The following CWF19L1 variants were observed in gnomAD, a reference collection of about 807,000 sequenced individuals.
The protein encoded by CWF19L1 is CWF19-like protein 1.
A neutral mutation model predicts 69.7 loss-of-function variants in CWF19L1; 60 were observed. The observed-to-expected ratio is 0.86, with a 90% CI of 0.70 to 1.07. The LOEUF is 1.07. Among genes scored for constraint, CWF19L1 ranks in the 50% least tolerant of loss-of-function variants. The probability of loss-of-function intolerance (pLI) is 0.00; values close to 1 mark genes in which losing one functional copy is unlikely to be tolerated. For missense variants in CWF19L1, 591 were observed against 638.9 expected, an observed-to-expected ratio of 0.92 and a Z score of 0.81; for synonymous variants, 209 against 222.2, an observed-to-expected ratio of 0.94 and a Z score of 0.53.
chr10:100,260,954 T>C lies in CWF19L1; in HGVS notation c.187+12A>G, dbSNP rs1402637417. On this transcript the variant is annotated intron_variant, in intron 3 of 13. Coordinates refer to ENST00000354105, the MANE Select transcript of CWF19L1 (RefSeq NM_018294.6). Reference sequence around the variant, plus strand: ...TTAGAAATCATATGTTAAATAAAAATAATTTCTATACCTTTCTTGATGCCA... The same window carrying C: ...TTAGAAATCATATGTTAAATAAAAACAATTTCTATACCTTTCTTGATGCCA... 1 of 1,549,472 alleles carries C rather than the reference T, an allele frequency of 6.5e-7. No homozygotes were observed.
In CWF19L1 at chr10:100,256,322, A is replaced by G; in HGVS notation, c.444T>C (p.Gly148=). 1 of 1,614,078 alleles carries G rather than the reference A, an allele frequency of 6.2e-7. No homozygotes were observed. The highest frequency in any genetic ancestry group is 8.5e-7 in the Non-Finnish European group (1 of 1,179,982). ...MMLCTTSQFK[G]VDILLTSPWP... is the part of the protein sequence containing the mutation. ...ATGGGGATGTGAGCAAGATATCAAC[A>G]CCCTTAAACTGGGAGGTTGTACACA... The change falls in exon 5 of 14, where the codon GGT becomes GGC. Residue 148 remains glycine, a synonymous_variant. Transcript: ENST00000354105.
At chr10:100,236,606 CT>C (rs1473803920) in intron 12 of CWF19L1, among the ~76,000 whole-genome samples, 2 of 152,042 alleles carry the variant, frequency 1.3e-5, no homozygotes, top group Admixed American at 1.3e-4. Flanking sequence ...CCCGTCTCGA[CT>C]AAAAATACAA....
intron 9 of CWF19L1, among the ~76,000 whole-genome samples, chr10:100,245,169 C>T (rs1846772567): frequency 6.6e-6 from 1 of 151,712 alleles, no homozygotes; most frequent in African/African-American, 2.4e-5. Flanking sequence ...ACTACAGGAC[C>T]GTGCCACCAC....
At position 100,235,671 on chromosome 10, in the gene CWF19L1, CAA is replaced by C. The variant is rs1389916079; in HGVS notation, c.1466_1467del (p.Phe489TrpfsTer8). On this transcript the variant is annotated frameshift_variant, in exon 13 of 14. Transcript: ENST00000354105. LOFTEE classifies it high-confidence loss of function. Reference protein sequence around the residue: ...HRIKKNFPLQFGREVLASEAI... With the variant: ...HRIKKNFPLQXGREVLASEAI... Reference sequence around the variant, plus strand: ...TTGAAAAGAAGAAAAACATACCTTCCAAACTGCAAAGGAAAATTCTTTTTAAT... The same window carrying C: ...TTGAAAAGAAGAAAAACATACCTTCCACTGCAAAGGAAAATTCTTTTTAAT... 1.9e-6 allele frequency: 3 copies of C among 1,608,198 alleles called. No individual in the cohort carries two copies. Among genetic ancestry groups the C allele is most frequent in the Non-Finnish European group, 2.5e-6 (3 of 1,176,668 alleles).
chr10:100,265,415 A>G (rs1847541022), intron 1 of CWF19L1, among the ~76,000 whole-genome samples: 1 of 151,630 alleles, frequency 6.6e-6, no homozygotes, highest in Non-Finnish European at 1.5e-5. Context: ...CCTCTTACTA[A>G]CTCACTCAGA....
chr10:100,245,962 G>C (rs745796943), intron 8 of CWF19L1, 49 bp from the exon 9 acceptor site: 2 of 1,344,358 alleles, frequency 1.5e-6, no homozygotes, highest in Admixed American at 3.4e-5. Context: ...CTAACCTTTA[G>C]ATAAGTAGCC....
At chr10:100,240,698 C>CA (rs1461357830) in intron 10 of CWF19L1, among the ~76,000 whole-genome samples, 12 of 152,158 alleles carry the variant, frequency 7.9e-5, no homozygotes, top group African/African-American at 2.9e-4. Context: ...TCACACATTC[C>CA]AAATCTCTTA....
At chr10:100,259,133 G>A (rs969915304) in intron 4 of CWF19L1, among the ~76,000 whole-genome samples, 1 of 151,178 alleles carries the variant, frequency 6.6e-6, no homozygotes, top group Admixed American at 6.6e-5. Flanking sequence ...CCAGGGAGTC[G>A]GATGTTGCAG....
At chr10:100,253,298 T>G (rs989237970) in intron 6 of CWF19L1, 123 bp downstream of exon 6, 1 of 631,462 alleles carries the variant, frequency 1.6e-6, no homozygotes, top group African/African-American at 1.8e-5. Flanking sequence ...AGTCACTTAC[T>G]TCAGTGTCTG....
At chr10:100,235,907 G>C in intron 12 of CWF19L1, 143 bp from the exon 13 acceptor site, 1 of 617,392 alleles carries the variant, frequency 1.6e-6, no homozygotes, top group Non-Finnish European at 2.8e-6. Flanking sequence ...CCACTTAGTG[G>C]AACTAGGGCT....
chr10:100,259,982 C>T (rs548229303), intron 4 of CWF19L1, among the ~76,000 whole-genome samples: 3 of 152,094 alleles, frequency 2.0e-5, no homozygotes, highest in Admixed American at 6.6e-5. Context: ...CTGACTAACA[C>T]GGTGAAACCC....
chr10:100,247,703 C>T (rs1438130008), intron 7 of CWF19L1, among the ~76,000 whole-genome samples: 1 of 152,144 alleles, frequency 6.6e-6, no homozygotes, highest in Non-Finnish European at 1.5e-5. Context: ...GAGACCAGCC[C>T]GACCAACATG....
At chr10:100,243,078 A>C (rs573767549) in intron 10 of CWF19L1, among the ~76,000 whole-genome samples, 1 of 152,360 alleles carries the variant, frequency 6.6e-6, no homozygotes, top group South Asian at 2.1e-4. Flanking sequence ...AAAGTTAAAC[A>C]TAAATTTACT....
chr10:100,252,721 A>G (rs1847081857), intron 6 of CWF19L1, among the ~76,000 whole-genome samples: 1 of 151,314 alleles, frequency 6.6e-6, no homozygotes, highest in East Asian at 2.0e-4. Context: ...CTGTAATCCT[A>G]GCTACTCAGG....
At position 100,233,259 on chromosome 10, in the gene CWF19L1, A is replaced by C; in HGVS notation, c.1585T>G (p.Phe529Val). ...ETLARRFRKD[F>V]EPYDFTLDD ...TCCAGAGTAAAGTCATAGGGCTCAAAGTCTTTCCGGAAGCGGCGAGCCAGG... is the reference window on the plus strand; with the variant it reads ...TCCAGAGTAAAGTCATAGGGCTCAACGTCTTTCCGGAAGCGGCGAGCCAGG... Residue 529 changes from phenylalanine to valine, a missense_variant, in exon 14 of 14, where the codon TTT (phenylalanine) becomes GTT (valine). Physicochemically the swap from Phe to Val is conservative, Grantham distance 50. Coordinates refer to ENST00000354105, the MANE Select transcript of CWF19L1 (RefSeq NM_018294.6). 2 of 1,613,632 alleles carry C rather than the reference A, an allele frequency of 1.2e-6. No homozygotes were observed.
chr10:100,248,463 G>T, intron 7 of CWF19L1: 2 of 680,786 alleles, frequency 2.9e-6, no homozygotes, highest in South Asian at 3.2e-5. Context: ...TATTATCTTT[G>T]ACTGCTGTTC....
intron 9 of CWF19L1, among the ~76,000 whole-genome samples, chr10:100,245,581 C>T (rs896280605): frequency 6.6e-6 from 1 of 152,116 alleles, no homozygotes. Flanking sequence ...TGTGGAAAAG[C>T]AGAAACCTTC....
At chr10:100,259,357 T>G (rs1226955195) in intron 4 of CWF19L1, among the ~76,000 whole-genome samples, 1 of 151,860 alleles carries the variant, frequency 6.6e-6, no homozygotes, top group Non-Finnish European at 1.5e-5. Context: ...GGAAACAACT[T>G]TAAGCTGGAA....
intron 3 of CWF19L1, among the ~76,000 whole-genome samples, chr10:100,260,593 G>A (rs1478925319): frequency 1.3e-5 from 2 of 151,818 alleles, no homozygotes; most frequent in African/African-American, 2.4e-5. Flanking sequence ...TGCAATCTCG[G>A]CTCACTGCAA....
Sources: gnomAD v4.1 joint callset for allele counts (sites outside exome capture counted in the v4.1 genomes callset) on GRCh38, gnomAD v4.1.1 for gene constraint, MANE v1.5 for transcripts, NCBI Gene and HGNC (gene_info 2026-07-23, HGNC 2026-07-21) for gene names.